Variants in FGF14 observed in about 807,000 individuals in gnomAD.
FGF14 encodes the protein fibroblast growth factor 14.
FGF14 carries 5 observed loss-of-function variants against 25.5 expected under a neutral mutation model. The observed-to-expected ratio is 0.20, with a 90% CI of 0.10 to 0.41. FGF14 has a LOEUF of 0.41. Ranked by LOEUF, FGF14 falls within the 10% of genes least tolerant of loss-of-function variation. FGF14 has a pLI of 1.00. For synonymous variants in FGF14, 138 were observed against 118.3 expected (o/e 1.17, Z -1.08); for missense variants, 222 against 320.1 (o/e 0.69, Z 2.34).
chr13:101,867,690 T>G (rs2044787614), intron 3 of FGF14, among the ~76,000 whole-genome samples: 3 of 152,026 alleles, frequency 2.0e-5, no homozygotes, highest in Admixed American at 1.3e-4. Context: ...GAGAACACAA[T>G]TTGCATAATG....
chr13:102,214,011 T>C (rs1243989033), intron 1 of FGF14, among the ~76,000 whole-genome samples: 2 of 152,208 alleles, frequency 1.3e-5, no homozygotes, highest in East Asian at 1.9e-4. Flanking sequence ...AGTCAGGTCT[T>C]ACAGACAAGG....
rs1309666123 is a variant in FGF14 at position 101,725,420 on chromosome 13, CTGTT to C, written c.607+1188_607+1191del. 2.6e-5 allele frequency among the ~76,000 whole-genome samples: 4 copies of C among 151,960 alleles called. No homozygotes were observed. The South Asian group carries it at 6.2e-4, about 24-fold the overall frequency. On this transcript the variant is annotated intron_variant, in intron 4 of 4. Coordinates refer to ENST00000376143, the MANE Select transcript of FGF14 (RefSeq NM_004115.4). ...TTCCTGTATAGGCCCTGGTAGCTAA[CTGTT>C]TGGGTTTCAATAAATTGTTCTACAG...
chr13:102,085,073 T>A (rs2043828007), intron 1 of FGF14, among the ~76,000 whole-genome samples: 1 of 152,220 alleles, frequency 6.6e-6, no homozygotes, highest in African/African-American at 2.4e-5. Context: ...ACAACGGACA[T>A]TAACAAGGAG....
intron 1 of FGF14, among the ~76,000 whole-genome samples, chr13:101,999,523 A>T (rs2039366764): frequency 6.6e-6 from 1 of 152,164 alleles, no homozygotes; most frequent in Non-Finnish European, 1.5e-5. Flanking sequence ...GGGAGGACAG[A>T]AGAATCCATG....
At chr13:101,783,141 T>G (rs1250840448) in intron 3 of FGF14, among the ~76,000 whole-genome samples, 2 of 152,194 alleles carry the variant, frequency 1.3e-5, no homozygotes, top group Non-Finnish European at 2.9e-5. Context: ...TGTTGAGCCT[T>G]TTTTTCATAT....
chr13:101,954,155 T>C (rs1022540063), intron 1 of FGF14, among the ~76,000 whole-genome samples: 1 of 152,090 alleles, frequency 6.6e-6, no homozygotes, highest in East Asian at 1.9e-4. Flanking sequence ...AACATTCCCA[T>C]AGAACTAAAT....
At chr13:101,934,767 CCT>C (rs2034991021) in intron 1 of FGF14, among the ~76,000 whole-genome samples, 1 of 152,132 alleles carries the variant, frequency 6.6e-6, no homozygotes, top group Non-Finnish European at 1.5e-5. Context: ...ATGAAGACCC[CCT>C]GATGGTTGGT....
chr13:101,807,930 A>G (rs2041290400), intron 3 of FGF14, among the ~76,000 whole-genome samples: 1 of 152,116 alleles, frequency 6.6e-6, no homozygotes, highest in African/African-American at 2.4e-5. Flanking sequence ...TACAGAAATG[A>G]TATTATTCTG....
intron 3 of FGF14, among the ~76,000 whole-genome samples, chr13:101,851,744 C>G (rs2043861562): frequency 6.6e-6 from 1 of 152,054 alleles, no homozygotes; most frequent in African/African-American, 2.4e-5. Context: ...ATTCTGAGTA[C>G]TTTAATCTTT....
At chr13:102,076,963 G>A (rs2043393072) in intron 1 of FGF14, among the ~76,000 whole-genome samples, 1 of 151,982 alleles carries the variant, frequency 6.6e-6, no homozygotes, top group African/African-American at 2.4e-5. Flanking sequence ...AGAATATAGA[G>A]CATAGAAATA....
At chr13:101,816,627 G>A (rs1420789692) in intron 3 of FGF14, among the ~76,000 whole-genome samples, 2 of 151,998 alleles carry the variant, frequency 1.3e-5, no homozygotes. Context: ...ATCTTATCAT[G>A]ACTTTTGCAT....
rs1031915792 is a variant in FGF14 at position 102,285,247 on chromosome 13, T to C, written c.208+116224A>G. ...TGGATTAATACAATTTTTTTGGTTA[T>C]ACATTCTGCTTCGAAGTGAAGACTT... On this transcript the variant is annotated intron_variant, in intron 1 of 4. Transcript: ENST00000376131. 3.9e-5 allele frequency among the ~76,000 whole-genome samples: 6 copies of C among 152,206 alleles called. No homozygotes were observed. The East Asian group carries it at 7.7e-4, about 20-fold the overall frequency.
intron 1 of FGF14, among the ~76,000 whole-genome samples, chr13:102,049,838 G>C (rs1376690933): frequency 1.3e-5 from 2 of 152,082 alleles, no homozygotes; most frequent in African/African-American, 2.4e-5. Flanking sequence ...GAACAAAAGA[G>C]ATTGATGGCA....
At chr13:102,246,870 T>C (rs528592392) in intron 1 of FGF14, among the ~76,000 whole-genome samples, 5 of 152,012 alleles carry the variant, frequency 3.3e-5, no homozygotes, top group Admixed American at 2.6e-4. Flanking sequence ...CAAAACATCA[T>C]GGTACTAGTA....
chr13:101,933,193 AT>A (rs1228647485), intron 1 of FGF14, among the ~76,000 whole-genome samples: 3 of 152,214 alleles, frequency 2.0e-5, no homozygotes, highest in Non-Finnish European at 2.9e-5. Flanking sequence ...AAACAAATCC[AT>A]TAAAACTAAC....
At chr13:102,082,665 T>C (rs1051484518) in intron 1 of FGF14, among the ~76,000 whole-genome samples, 1 of 151,432 alleles carries the variant, frequency 6.6e-6, no homozygotes, top group Non-Finnish European at 1.5e-5. Context: ...CTCTAAAGAG[T>C]ACTTTGGGGC....
chr13:102,081,566 G>T (rs1230582421), intron 1 of FGF14, among the ~76,000 whole-genome samples: 1 of 151,908 alleles, frequency 6.6e-6, no homozygotes, highest in Non-Finnish European at 1.5e-5. Context: ...TTAATGAAAA[G>T]ATTTTCATCC....
intron 1 of FGF14, among the ~76,000 whole-genome samples, chr13:101,904,308 G>A (rs906955160): frequency 1.3e-5 from 2 of 152,030 alleles, no homozygotes; most frequent in African/African-American, 4.8e-5. Flanking sequence ...TAATACTGAT[G>A]GAAATGTGTG....
chr13:101,873,744 T>A (rs139100058), intron 2 of FGF14, among the ~76,000 whole-genome samples: 111 of 152,214 alleles, frequency 7.3e-4, no homozygotes, highest in African/African-American at 2.4e-3. Context: ...CTACCAATAA[T>A]CTTTGAAAGT....
Sources: allele counts gnomAD v4.1 joint callset (sites outside exome capture counted in the v4.1 genomes callset), GRCh38; gene constraint gnomAD v4.1.1; transcripts MANE v1.5; gene names NCBI Gene and HGNC (gene_info 2026-07-23, HGNC 2026-07-21).